Variants in GRK5 observed in about 807,000 individuals in gnomAD.
GRK5 encodes the protein g protein-coupled receptor kinase GRK5.
Under a neutral mutation model 78.4 loss-of-function variants are expected in GRK5, and 40 were observed. That is an observed-to-expected ratio of 0.51 (90% CI 0.40 to 0.66). The LOEUF (loss-of-function observed/expected upper bound fraction) is 0.66. Among genes scored for constraint, GRK5 ranks in the 30% least tolerant of loss-of-function variants. GRK5 has a pLI of 0.00. For missense variants in GRK5, 598 were observed against 759.9 expected, an observed-to-expected ratio of 0.79 and a Z score of 2.50; for synonymous variants, 289 against 296.8, an observed-to-expected ratio of 0.97 and a Z score of 0.27.
Position 119,253,872 on chromosome 10 carries a change from G to A in GRK5, c.52+45903G>A, listed in dbSNP as rs904773249. ...GGTGTGTGTGTGTGTGTGTGTGTGTGTACACATGTGTGTGCGTGCATGCTT... is the reference window on the plus strand; with the variant it reads ...GGTGTGTGTGTGTGTGTGTGTGTGTATACACATGTGTGTGCGTGCATGCTT... On this transcript the variant is annotated intron_variant, in intron 1 of 15. Transcript: ENST00000392870. The surrounding 1 kb of genome is among the most constrained non-coding windows in gnomAD (Gnocchi z 5.7). Among the ~76,000 whole-genome samples, 3 of 139,864 alleles carry A rather than the reference G, an allele frequency of 2.1e-5. No homozygotes were observed. The highest frequency in any genetic ancestry group is 8.0e-5 in the African/African-American group (3 of 37,596). The allele number at this position is 139,864 out of a possible 152,430, so 91.8% of individuals were successfully genotyped here.
At chr10:119,391,940 A>C in intron 3 of GRK5, among the ~76,000 whole-genome samples, 1 of 152,232 alleles carries the variant, frequency 6.6e-6, no homozygotes, top group East Asian at 1.9e-4. Context: ...GGGCAGAAGA[A>C]GGTCTCCTGG....
chr10:119,394,347 C>T (rs111210178), intron 3 of GRK5, among the ~76,000 whole-genome samples: 470 of 5,970 alleles, frequency 0.079, 28 homozygotes, highest in Middle Eastern at 0.17. Context: ...TGTGTGTGGG[C>T]ATGTGGGTGT....
intron 9 of GRK5, among the ~76,000 whole-genome samples, chr10:119,437,948 A>C (rs1589810388): frequency 6.6e-6 from 1 of 152,290 alleles, no homozygotes; most frequent in East Asian, 1.9e-4. Context: ...AAATACAAAA[A>C]GTAGCCGGAT....
chr10:119,223,739 G>A (rs921694569), intron 1 of GRK5, among the ~76,000 whole-genome samples: 1 of 149,696 alleles, frequency 6.7e-6, no homozygotes, highest in Admixed American at 6.7e-5. Flanking sequence ...ATATATATTA[G>A]ATAGGCTTCT....
At chr10:119,308,749 C>T (rs561535839) in intron 1 of GRK5, among the ~76,000 whole-genome samples, 2 of 152,356 alleles carry the variant, frequency 1.3e-5, no homozygotes, top group Admixed American at 6.5e-5. Context: ...GGCCTGCCCT[C>T]GCTCCTGACC....
At position 119,412,592 on chromosome 10, in the gene GRK5, C is replaced by T. The variant is rs780261627; in HGVS notation, c.340-10574C>T. Among the ~76,000 whole-genome samples, 32 of 152,158 alleles carry T rather than the reference C, an allele frequency of 2.1e-4. No individual in the cohort carries two copies. The highest frequency in any genetic ancestry group is 4.1e-4 in the Non-Finnish European group (28 of 68,026). On this transcript the variant is annotated intron_variant, in intron 4 of 15. Transcript: ENST00000392870. This position sits in a 1 kb window ranked among gnomAD's most constrained non-coding sequence, Gnocchi z 4.3. ...ATCACGTCTCCTGCCTGGCCATGGA[C>T]AGAGAAAGGAACCACTCCAGACGGA...
intron 1 of GRK5, among the ~76,000 whole-genome samples, chr10:119,262,225 A>T (rs1388931855): frequency 6.6e-6 from 1 of 152,044 alleles, no homozygotes; most frequent in Non-Finnish European, 1.5e-5. Context: ...ATTCAGAAGC[A>T]CAAGTGGTGC....
chr10:119,429,699 C>G (rs1476862666), intron 6 of GRK5, among the ~76,000 whole-genome samples: 36 of 152,020 alleles, frequency 2.4e-4, no homozygotes, highest in Non-Finnish European at 1.8e-4. Flanking sequence ...CAGGCAGGAT[C>G]TTCTCATGTT....
At chr10:119,360,346 G>A (rs1481530380) in intron 2 of GRK5, among the ~76,000 whole-genome samples, 1 of 152,208 alleles carries the variant, frequency 6.6e-6, no homozygotes, top group African/African-American at 2.4e-5. Flanking sequence ...CCTTGGAATG[G>A]CACACGGGGC....
At chr10:119,391,915 T>A (rs1258848182) in intron 3 of GRK5, among the ~76,000 whole-genome samples, 3 of 152,198 alleles carry the variant, frequency 2.0e-5, no homozygotes, top group Non-Finnish European at 4.4e-5. Flanking sequence ...CATCTCTGAC[T>A]TCATCTTCCT....
At chr10:119,294,438 CAGGCA>C (rs1259001096) in intron 1 of GRK5, among the ~76,000 whole-genome samples, 4 of 152,264 alleles carry the variant, frequency 2.6e-5, no homozygotes, top group African/African-American at 9.6e-5. Context: ...ATTTCCCAGG[CAGGCA>C]CTGTCCTGAC....
At chr10:119,346,720 G>C (rs988131466) in intron 2 of GRK5, among the ~76,000 whole-genome samples, 1 of 152,166 alleles carries the variant, frequency 6.6e-6, no homozygotes, top group Non-Finnish European at 1.5e-5. Flanking sequence ...CTCCCAGGAA[G>C]ACCATACAGG....
chr10:119,408,163 CA>C (rs34029208), intron 4 of GRK5, among the ~76,000 whole-genome samples: 20,100 of 73,642 alleles, frequency 0.27, 1,574 homozygotes, highest in East Asian at 0.39. Flanking sequence ...AACTCCATCT[CA>C]AAAAAAAAAA....
intron 4 of GRK5, among the ~76,000 whole-genome samples, chr10:119,416,846 G>A (rs1051917037): frequency 1.3e-5 from 2 of 152,192 alleles, no homozygotes; most frequent in East Asian, 1.9e-4. Context: ...CACACACCTC[G>A]GCCTGCCGAA....
chr10:119,365,360 G>A (rs1177356622), intron 2 of GRK5, among the ~76,000 whole-genome samples: 3 of 152,156 alleles, frequency 2.0e-5, no homozygotes, highest in Non-Finnish European at 4.4e-5. Flanking sequence ...ATTAAAAAAC[G>A]TCTACTTGGC....
chr10:119,263,068 C>T lies in GRK5; in HGVS notation c.52+55099C>T, dbSNP rs182192454. ...TGCCATCCAGGCTGGAGTGCAGTGG[C>T]GCGATCTCAGCTCACTGCAACCTCC... On this transcript the variant is annotated intron_variant, in intron 1 of 15. Coordinates refer to ENST00000392870, the MANE Select transcript of GRK5 (RefSeq NM_005308.3). 8.9e-4 allele frequency among the ~76,000 whole-genome samples: 135 copies of T among 152,014 alleles called. 1 individual carries two copies. The highest frequency in any genetic ancestry group is 3.2e-3 in the African/African-American group (131 of 41,448).
chr10:119,431,970 C>T lies in GRK5; in HGVS notation c.738+443C>T, dbSNP rs1470875280. ...TTGTGTTAGTCAGTCTAGGCTGGGC[C>T]CTGCTGCAGTAACACATTTGCCCCA... On this transcript the variant is annotated intron_variant, in intron 8 of 15. Coordinates refer to ENST00000392870, the MANE Select transcript of GRK5 (RefSeq NM_005308.3). The surrounding 1 kb of genome is among the most constrained non-coding windows in gnomAD (Gnocchi z 4.8). Among the ~76,000 whole-genome samples the T allele has an allele frequency of 1.3e-5, 2 of 152,188 alleles. No homozygotes were observed. The highest frequency in any genetic ancestry group is 2.9e-5 in the Non-Finnish European group (2 of 68,036).
At chr10:119,398,848 G>A (rs898607376) in intron 4 of GRK5, among the ~76,000 whole-genome samples, 12 of 152,152 alleles carry the variant, frequency 7.9e-5, no homozygotes, top group South Asian at 2.1e-4. Flanking sequence ...TCACTGTCCT[G>A]CCACTGTCTG....
intron 3 of GRK5, among the ~76,000 whole-genome samples, chr10:119,394,168 G>C (rs1851942864): frequency 3.4e-5 from 2 of 58,576 alleles, no homozygotes; most frequent in South Asian, 5.6e-4. Flanking sequence ...GTGTGGGTTT[G>C]AGTGTGTGTG....
Sources: gnomAD v4.1 joint callset for allele counts (sites outside exome capture counted in the v4.1 genomes callset) on GRCh38, gnomAD v4.1.1 for gene constraint, Gnocchi (gnomAD v3.1) non-coding constraint, MANE v1.5 for transcripts, NCBI Gene and HGNC (gene_info 2026-07-23, HGNC 2026-07-21) for gene names.